DNAH12: variants seen among roughly 807,000 people sequenced by gnomAD.
DNAH12 encodes dynein axonemal heavy chain 12.
In DNAH12, 285 loss-of-function variants were observed where a neutral mutation model predicts 371.5. That is an observed-to-expected ratio of 0.77 (90% CI 0.70 to 0.85). The LOEUF (loss-of-function observed/expected upper bound fraction) is 0.85, where lower values mean the gene tolerates loss of function less well. Among genes scored for constraint, DNAH12 ranks in the 40% least tolerant of loss-of-function variants. DNAH12 has a pLI of 0.00. For synonymous variants in DNAH12, 1,200 were observed against 1,213.0 expected, an observed-to-expected ratio of 0.99 and a Z score of 0.22; for missense variants, 3,611 against 3,689.4, an observed-to-expected ratio of 0.98 and a Z score of 0.55.
intron 69 of DNAH12, among the ~76,000 whole-genome samples, 164 bp downstream of exon 69, chr3:57,308,987 A>G (rs1056371338): frequency 3.9e-5 from 6 of 151,948 alleles, no homozygotes; most frequent in East Asian, 1.9e-4. Flanking sequence ...AGGTTCCCAC[A>G]CCGCCCCTAA....
chr3:57,329,449 C>G (rs1575460393), intron 62 of DNAH12, among the ~76,000 whole-genome samples: 1 of 127,784 alleles, frequency 7.8e-6, no homozygotes, highest in Admixed American at 8.1e-5. Flanking sequence ...CTGAGAAAAA[C>G]AAGCAATGGG....
At chr3:57,360,219 G>A (rs1040270576) in intron 58 of DNAH12, among the ~76,000 whole-genome samples, 1 of 152,238 alleles carries the variant, frequency 6.6e-6, no homozygotes, top group Admixed American at 6.5e-5. Flanking sequence ...CATGGTCCCA[G>A]ACTGGGGGCT....
At chr3:57,378,030 C>G (rs965281118) in intron 52 of DNAH12, among the ~76,000 whole-genome samples, 40 of 152,196 alleles carry the variant, frequency 2.6e-4, no homozygotes, top group Non-Finnish European at 5.1e-4. Context: ...CCTGCTTTCT[C>G]TCTGCTGCAC....
At chr3:57,459,198 A>G (rs1298783703) in intron 20 of DNAH12, among the ~76,000 whole-genome samples, 1 of 152,214 alleles carries the variant, frequency 6.6e-6, no homozygotes, top group Non-Finnish European at 1.5e-5. Context: ...CCGAGTACAC[A>G]GAGTCACTAG....
intron 39 of DNAH12, among the ~76,000 whole-genome samples, chr3:57,413,329 G>A (rs1339081679): frequency 6.6e-6 from 1 of 152,166 alleles, no homozygotes; most frequent in African/African-American, 2.4e-5. Flanking sequence ...GATCTTTACA[G>A]CAGTGAAAAT....
chr3:57,446,761 A>G (rs2153370854), intron 25 of DNAH12, 72 bp from the exon 26 acceptor site: 6 of 1,352,480 alleles, frequency 4.4e-6, no homozygotes, highest in South Asian at 4.2e-5. Context: ...TTGTTTACCA[A>G]ATGGATTTAG....
At chr3:57,435,574 A>C (rs1326636942) in intron 30 of DNAH12, among the ~76,000 whole-genome samples, 1 of 152,154 alleles carries the variant, frequency 6.6e-6, no homozygotes, top group Non-Finnish European at 1.5e-5. Flanking sequence ...AGAATCAAAT[A>C]GATAAAAAGC....
In DNAH12 at chr3:57,471,566, A is replaced by G. The variant is rs756493489; in HGVS notation, c.1817T>C (p.Met606Thr). Reference protein sequence around the residue: ...NAKHKKENELMAKREKLILEI... With the variant: ...NAKHKKENELTAKREKLILEI... ...CAAAATAAGTTTCTCTCTCTTGGCC[A>G]TTAGTTCATTTTCTTTTTTATGTTT... Residue 606 changes from methionine (M) to threonine (T), a missense_variant, in exon 15 of 74, where the codon ATG becomes ACG. Physicochemically the swap from Met to Thr is moderately conservative, Grantham distance 81. Transcript: ENST00000495027. 4.5e-6 allele frequency: 7 copies of G among 1,546,640 alleles called. No homozygotes were observed. The South Asian group carries it at 7.2e-5, about 16-fold the overall frequency.
chr3:57,492,460 CAAATAAAT>C (rs747074438), intron 11 of DNAH12, among the ~76,000 whole-genome samples: 12 of 151,306 alleles, frequency 7.9e-5, no homozygotes, highest in Admixed American at 3.9e-4. Flanking sequence ...AACTCCAACT[CAAATAAAT>C]AAATAAATAA....
intron 60 of DNAH12, among the ~76,000 whole-genome samples, chr3:57,335,743 C>G (rs2062208056): frequency 6.6e-6 from 1 of 152,162 alleles, no homozygotes. Context: ...TGGCACATGA[C>G]TGTACTAAGA....
At chr3:57,389,887 A>G (rs950324597) in intron 45 of DNAH12, among the ~76,000 whole-genome samples, 1 of 141,450 alleles carries the variant, frequency 7.1e-6, no homozygotes, top group Non-Finnish European at 1.6e-5. Flanking sequence ...CCAGGTTGGA[A>G]TGCAGTGGCA....
chr3:57,509,217 A>C lies in DNAH12; in HGVS notation c.470-5T>G. 1 of 1,611,114 alleles carries C rather than the reference A, an allele frequency of 6.2e-7. No individual in the cohort carries two copies. The highest frequency in any genetic ancestry group is 8.5e-7 in the Non-Finnish European group (1 of 1,178,412). On this transcript the variant is annotated splice_region_variant and splice_polypyrimidine_tract_variant and intron_variant, in intron 5 of 73. Transcript: ENST00000495027. ...GTTTCACAAGAACGCTCTGCACTAAAATACATGGATATATTAATGCTTCTT... is the reference window on the plus strand; with the variant it reads ...GTTTCACAAGAACGCTCTGCACTAACATACATGGATATATTAATGCTTCTT...
chr3:57,417,348 G>A (rs967814908), intron 37 of DNAH12, among the ~76,000 whole-genome samples: 1 of 152,144 alleles, frequency 6.6e-6, no homozygotes, highest in Non-Finnish European at 1.5e-5. Context: ...GCCAAACTAT[G>A]CTAGTATTAA....
At chr3:57,357,719 G>C (rs1283908067) in intron 58 of DNAH12, among the ~76,000 whole-genome samples, 2 of 152,196 alleles carry the variant, frequency 1.3e-5, no homozygotes, top group Non-Finnish European at 2.9e-5. Flanking sequence ...GTCTACTGTA[G>C]TCATTCACCT....
chr3:57,416,928 AATG>A (rs2064395041), intron 37 of DNAH12, among the ~76,000 whole-genome samples: 1 of 152,198 alleles, frequency 6.6e-6, no homozygotes, highest in African/African-American at 2.4e-5. Context: ...TATCATTTTG[AATG>A]ATAACTTGTT....
intron 26 of DNAH12, 48 bp downstream of exon 26, chr3:57,446,489 G>A (rs2153370753): frequency 6.7e-7 from 1 of 1,492,536 alleles, no homozygotes; most frequent in Admixed American, 2.4e-5. Flanking sequence ...ATTAGACCTA[G>A]CTGTAAGTTT....
intron 45 of DNAH12, among the ~76,000 whole-genome samples, chr3:57,390,424 A>AAAATATATATATATATAT: frequency 3.0e-5 from 1 of 33,436 alleles, no homozygotes; most frequent in Non-Finnish European, 7.0e-5. Context: ...AAAAAAAAAA[A>AAAATATATATATATATAT]ATATATATAT....
chr3:57,535,470 C>T (rs2068999863), intron 2 of DNAH12, among the ~76,000 whole-genome samples: 1 of 152,226 alleles, frequency 6.6e-6, no homozygotes, highest in Non-Finnish European at 1.5e-5. Flanking sequence ...GATGTCAGCA[C>T]TATGCTCGTG....
chr3:57,424,988 T>C (rs542912033), intron 35 of DNAH12, 34 bp downstream of exon 35: 1 of 685,144 alleles, frequency 1.5e-6, no homozygotes, highest in East Asian at 2.7e-5. Flanking sequence ...ATAATTTATT[T>C]ATAATTAAAA....
Sources: gnomAD v4.1 joint callset for allele counts (sites outside exome capture counted in the v4.1 genomes callset) on GRCh38, gnomAD v4.1.1 for gene constraint, MANE v1.5 for transcripts, NCBI Gene and HGNC (gene_info 2026-07-23, HGNC 2026-07-21) for gene names.